ANK3: variants seen among roughly 807,000 people sequenced by gnomAD.
The protein encoded by ANK3 is ankyrin 3, also known as ankyrin-3.
In ANK3, 57 loss-of-function variants were observed where a neutral mutation model predicts 370.9. The ratio of observed to expected loss-of-function variants is 0.15; its 90% confidence interval spans 0.12 to 0.19. ANK3 has a LOEUF of 0.19. Ranked by LOEUF, ANK3 falls within the 10% of genes least tolerant of loss-of-function variation. The pLI, the probability that ANK3 is intolerant of heterozygous loss-of-function variation, is 1.00. For synonymous variants in ANK3, 1,929 were observed against 1,946.3 expected, an observed-to-expected ratio of 0.99 and a Z score of 0.23; for missense variants, 4,439 against 5,302.1, an observed-to-expected ratio of 0.84 and a Z score of 5.06.
intron 1 of ANK3, among the ~76,000 whole-genome samples, chr10:60,652,883 G>T (rs934815733): frequency 6.6e-6 from 1 of 152,018 alleles, no homozygotes; most frequent in Non-Finnish European, 1.5e-5. Flanking sequence ...GTGGAGTCTG[G>T]GTACGTTCTA....
chr10:60,243,435 T>C (rs1222803638), intron 7 of ANK3, among the ~76,000 whole-genome samples: 1 of 152,196 alleles, frequency 6.6e-6, no homozygotes, highest in Non-Finnish European at 1.5e-5. Flanking sequence ...TGGACATGCA[T>C]ACTCTTGTTC....
intron 40 of ANK3, chr10:60,062,034 G>C (rs1484076569): frequency 1.3e-5 from 2 of 152,194 alleles, no homozygotes; most frequent in Admixed American, 6.5e-5. Flanking sequence ...GGGAGGCAGA[G>C]GTGGGTGGAT....
chr10:60,309,542 G>T (rs1485602655), intron 1 of ANK3, among the ~76,000 whole-genome samples: 1 of 152,160 alleles, frequency 6.6e-6, no homozygotes, highest in Non-Finnish European at 1.5e-5. Context: ...AAGTTGATGA[G>T]CTTACAGTTG....
chr10:60,359,415 G>T (rs914557448), intron 1 of ANK3, among the ~76,000 whole-genome samples: 10 of 152,088 alleles, frequency 6.6e-5, no homozygotes, highest in African/African-American at 2.4e-4. Flanking sequence ...TATATACCAA[G>T]CCCAACTTTG....
Position 60,208,155 on chromosome 10 carries a change from G to A in ANK3, c.1075C>T (p.Pro359Ser), listed in dbSNP as rs768561982. Residue 359 changes from proline to serine, a missense_variant, in exon 10 of 44, where the codon CCC (proline) becomes TCC (serine). By Grantham distance (74) the Pro-to-Ser change is moderately conservative (BLOSUM62 -1). This residue lies in a region of ANK3 where 227 missense variants were observed against 377.6 expected (regional missense o/e 0.60). Coordinates refer to ENST00000280772, the MANE Select transcript of ANK3 (RefSeq NM_020987.5). Reference sequence around the variant, plus strand: ...TAGTCATTGGTGACATCATCCACGGGTACATTATGCTGGAGGAGAAGCTGG... The same window carrying A: ...TAGTCATTGGTGACATCATCCACGGATACATTATGCTGGAGGAGAAGCTGG... Reference protein sequence around the residue: ...CVQLLLQHNVPVDDVTNDYLT... With the variant: ...CVQLLLQHNVSVDDVTNDYLT... 6.2e-7 allele frequency: 1 copy of A among 1,614,084 alleles called. No homozygotes were observed. The highest frequency in any genetic ancestry group is 8.5e-7 in the Non-Finnish European group (1 of 1,179,992).
chr10:60,199,000 C>T lies in ANK3; in HGVS notation c.1492-463G>A, dbSNP rs570825004. Among the ~76,000 whole-genome samples the T allele has an allele frequency of 1.8e-4, 28 of 152,222 alleles. 1 individual carries two copies. In the South Asian group the frequency reaches 2.7e-3, roughly 15 times the overall value. On this transcript the variant is annotated intron_variant, in intron 13 of 43. Coordinates refer to ENST00000280772, the MANE Select transcript of ANK3 (RefSeq NM_020987.5). ...GTGTGAGGAAGGCAGTGTGGGGTTG[C>T]GCAGTATACCTGTGCAAAGGCTCCC...
intron 2 of ANK3, among the ~76,000 whole-genome samples, chr10:60,531,431 G>A (rs1296249998): frequency 2.6e-5 from 4 of 152,094 alleles, no homozygotes; most frequent in African/African-American, 9.7e-5. Flanking sequence ...ACAATTAACT[G>A]TAATATTAGT....
intron 2 of ANK3, among the ~76,000 whole-genome samples, chr10:60,511,481 C>T (rs541806844): frequency 1.3e-5 from 2 of 152,218 alleles, no homozygotes; most frequent in African/African-American, 2.4e-5. Flanking sequence ...TAACAAAGTT[C>T]CATCTCTGAA....
intron 2 of ANK3, among the ~76,000 whole-genome samples, chr10:60,519,333 T>C (rs2076297193): frequency 6.6e-6 from 1 of 152,024 alleles, no homozygotes; most frequent in South Asian, 2.1e-4. Context: ...ACTAGACAGG[T>C]GTCACAGGAA....
chr10:60,727,131 G>A (rs1030652354), intron 1 of ANK3, among the ~76,000 whole-genome samples: 2 of 151,900 alleles, frequency 1.3e-5, no homozygotes, highest in African/African-American at 4.8e-5. Context: ...ACATACCCCC[G>A]CCCCAAGCAA....
At chr10:60,170,291 G>T (rs2095748770) in intron 21 of ANK3, among the ~76,000 whole-genome samples, 3 of 152,134 alleles carry the variant, frequency 2.0e-5, no homozygotes, top group Non-Finnish European at 2.9e-5. Flanking sequence ...TTGAAAAACT[G>T]AAGTCTGTTT....
chr10:60,056,802 T>A lies in ANK3; in HGVS notation c.12687-766A>T, dbSNP rs2079259779. 2.0e-5 allele frequency among the ~76,000 whole-genome samples: 3 copies of A among 152,158 alleles called. No individual in the cohort carries two copies. The South Asian group carries it at 6.2e-4, about 32-fold the overall frequency. On this transcript the variant is annotated intron_variant, in intron 41 of 43. Transcript: ENST00000280772. ...ATTTTGGGAGGCTGAGGCAGAAGGA[T>A]CCCTTGAGCCCAGGAATTTGAGTTC...
intron 10 of ANK3, 27 bp downstream of exon 10, chr10:60,208,009 G>A: frequency 6.2e-7 from 1 of 1,602,260 alleles, no homozygotes; most frequent in Non-Finnish European, 8.5e-7. Flanking sequence ...GACAACTGAG[G>A]CTGGACTCGC....
Position 60,028,560 on chromosome 10 carries a change from T to A in ANK3, c.*1286A>T, listed in dbSNP as rs1273944180. 6.6e-6 allele frequency: 1 copy of A among 152,604 alleles called. No individual in the cohort carries two copies. The highest frequency in any genetic ancestry group is 1.5e-5 in the Non-Finnish European group (1 of 68,020). The allele number at this position is 152,604 out of a possible 1,614,324, so 9.5% of individuals were successfully genotyped here. On this transcript the variant is annotated 3_prime_UTR_variant, in exon 44 of 44. Coordinates refer to ENST00000280772, the MANE Select transcript of ANK3 (RefSeq NM_020987.5). ...TTAAAGAATTTCACCAAAACCCAAA[T>A]AAAAATGCCCTTTAAAACACAGCAG...
At chr10:60,580,965 T>C (rs900311365) in intron 2 of ANK3, among the ~76,000 whole-genome samples, 3 of 152,180 alleles carry the variant, frequency 2.0e-5, no homozygotes, top group Non-Finnish European at 4.4e-5. Context: ...TCTTTGAAAA[T>C]GCTATCCCCA....
At chr10:60,425,341 G>A (rs146466738) in intron 2 of ANK3, among the ~76,000 whole-genome samples, 1 of 152,220 alleles carries the variant, frequency 6.6e-6, no homozygotes, top group East Asian at 1.9e-4. Context: ...GAGTTTGGGA[G>A]CTACTACATT....
chr10:60,613,697 T>A (rs1324712686), intron 2 of ANK3, among the ~76,000 whole-genome samples: 2 of 151,988 alleles, frequency 1.3e-5, no homozygotes, highest in African/African-American at 4.8e-5. Context: ...GACTACATTA[T>A]CATTCTTAGG....
At chr10:60,454,503 A>G (rs762464150) in intron 2 of ANK3, among the ~76,000 whole-genome samples, 3 of 152,146 alleles carry the variant, frequency 2.0e-5, no homozygotes, top group Non-Finnish European at 4.4e-5. Flanking sequence ...ATTGATAGGG[A>G]CAGGAAGAGC....
intron 2 of ANK3, among the ~76,000 whole-genome samples, chr10:60,608,577 G>C (rs1053128501): frequency 6.6e-6 from 1 of 152,136 alleles, no homozygotes; most frequent in African/African-American, 2.4e-5. Flanking sequence ...CAGAGGCTCA[G>C]CAGGCATCTG....
Sources: gnomAD v4.1 joint callset for allele counts (sites outside exome capture counted in the v4.1 genomes callset) on GRCh38, gnomAD v4.1.1 for gene constraint, gnomAD v4.1.1 regional missense constraint, MANE v1.5 for transcripts, NCBI Gene and HGNC (gene_info 2026-07-23, HGNC 2026-07-21) for gene names.